SLC4A10: variants seen among roughly 807,000 people sequenced by gnomAD.
The protein encoded by SLC4A10 is sodium-driven chloride bicarbonate exchanger.
A neutral mutation model predicts 137.7 loss-of-function variants in SLC4A10; 42 were observed. That is an observed-to-expected ratio of 0.30 (90% confidence interval 0.24 to 0.39). SLC4A10 has a LOEUF of 0.39. SLC4A10 is among the 10% of genes least tolerant of loss of function. The pLI, the probability that SLC4A10 is intolerant of heterozygous loss-of-function variation, is 1.00. For synonymous variants in SLC4A10, 474 were observed against 464.1 expected, an observed-to-expected ratio of 1.02 and a Z score of -0.27; for missense variants, 925 against 1,355.0, an observed-to-expected ratio of 0.68 and a Z score of 4.98.
chr2:161,749,623 G>T (rs1039841447), intron 1 of SLC4A10, among the ~76,000 whole-genome samples: 1 of 151,782 alleles, frequency 6.6e-6, no homozygotes, highest in African/African-American at 2.4e-5. Flanking sequence ...GTTGGTCATG[G>T]TGTATAATCT....
At chr2:161,956,791 A>T (rs1044297860) in intron 19 of SLC4A10, among the ~76,000 whole-genome samples, 198 bp from the exon 20 acceptor site, 2 of 152,134 alleles carry the variant, frequency 1.3e-5, no homozygotes, top group African/African-American at 4.8e-5. Flanking sequence ...CCATGATATT[A>T]TTTTTTCTAA....
rs911712300 is a variant in SLC4A10 at position 161,894,713 on chromosome 2, G to A, written c.1229G>A (p.Arg410His). The A allele has an allele frequency of 1.2e-5, 17 of 1,437,184 alleles. No homozygotes were observed. Among genetic ancestry groups the A allele is most frequent in the Admixed American group, 2.1e-5 (1 of 47,402 alleles). The allele number at this position is 1,437,184 out of a possible 1,614,324, so 89.0% of individuals were successfully genotyped here. A position where few individuals can be genotyped will look rare whatever the true frequency, so the allele number is the denominator to read the frequency against. Residue 410 changes from arginine (R) to histidine (H), a missense_variant, in exon 11 of 27, where the codon CGT becomes CAT. This residue lies in a region of SLC4A10 where 277 missense variants were observed against 306.1 expected (regional missense o/e 0.90). Coordinates refer to ENST00000446997, the MANE Select transcript of SLC4A10 (RefSeq NM_001178015.2). ...FHDVAYKAKD[R>H]NDLVSGIDEF... ...GATGTTGCCTATAAAGCTAAAGATC[G>A]TAATGACTTGGTATCAGGAATTGAT...
chr2:161,919,378 C>G (rs916996989), intron 15 of SLC4A10, among the ~76,000 whole-genome samples: 9 of 152,214 alleles, frequency 5.9e-5, no homozygotes, highest in African/African-American at 1.9e-4. Context: ...GCCAGGCTGC[C>G]AGTTCTGCAG....
rs548766783 is a variant in SLC4A10, at chr2:161,725,156, G to A, written c.49-45817G>A. 7.9e-5 allele frequency among the ~76,000 whole-genome samples: 12 copies of A among 152,220 alleles called. No homozygotes were observed. In the South Asian group the frequency reaches 2.5e-3, roughly 32 times the overall value. ...ATATTGGCTGAGGTATGTAAGTATG[G>A]CTGGGCCAGACTCTGAGGTGCTTTA... On this transcript the variant is annotated intron_variant, in intron 1 of 26. Coordinates refer to ENST00000446997, the MANE Select transcript of SLC4A10 (RefSeq NM_001178015.2).
At chr2:161,922,793 A>G (rs1189782302) in intron 15 of SLC4A10, among the ~76,000 whole-genome samples, 1 of 152,228 alleles carries the variant, frequency 6.6e-6, no homozygotes, top group Non-Finnish European at 1.5e-5. Flanking sequence ...AAGAATAATC[A>G]TAAAAACACA....
rs185917553 is a variant in SLC4A10, at chr2:161,805,832, T to C, written c.277+1237T>C. On this transcript the variant is annotated intron_variant, in intron 3 of 26. Coordinates refer to ENST00000446997, the MANE Select transcript of SLC4A10 (RefSeq NM_001178015.2). ...TTCAAGCTGTCAGTGGATCTTCCAT[T>C]CTGCAGTCAGGAGGACAGTGGCCCT... Among the ~76,000 whole-genome samples the C allele has an allele frequency of 1.9e-3, 286 of 152,302 alleles. 1 individual carries two copies. The highest frequency in any genetic ancestry group is 3.0e-3 in the Non-Finnish European group (203 of 68,018).
intron 21 of SLC4A10, among the ~76,000 whole-genome samples, chr2:161,963,544 AC>A (rs1045674491): frequency 6.6e-6 from 1 of 152,136 alleles, no homozygotes; most frequent in African/African-American, 2.4e-5. Context: ...CAGCATCTAA[AC>A]TTTTGTTGGG....
At chr2:161,819,040 G>A (rs1311500120) in intron 3 of SLC4A10, among the ~76,000 whole-genome samples, 2 of 151,920 alleles carry the variant, frequency 1.3e-5, no homozygotes, top group Admixed American at 1.3e-4. Context: ...TGGAATTTGG[G>A]CACTCTTAAA....
At chr2:161,676,597 GT>G (rs776523701) in intron 1 of SLC4A10, among the ~76,000 whole-genome samples, 54 of 152,252 alleles carry the variant, frequency 3.5e-4, no homozygotes, top group Non-Finnish European at 6.5e-4. Context: ...AGGCATTTAA[GT>G]TTTAAGTACT....
At chr2:161,914,682 T>G (rs569903248) in intron 15 of SLC4A10, among the ~76,000 whole-genome samples, 2 of 152,214 alleles carry the variant, frequency 1.3e-5, no homozygotes, top group South Asian at 2.1e-4. Flanking sequence ...AAGCAGATTT[T>G]GGGGAGCTAG....
chr2:161,782,387 G>C (rs986633381), intron 2 of SLC4A10, among the ~76,000 whole-genome samples: 4 of 151,838 alleles, frequency 2.6e-5, no homozygotes, highest in Non-Finnish European at 4.4e-5. Context: ...TCCATATAAG[G>C]CCAGCTCTTT....
chr2:161,887,365 G>A (rs1395456667), intron 10 of SLC4A10, among the ~76,000 whole-genome samples: 1 of 151,526 alleles, frequency 6.6e-6, no homozygotes. Flanking sequence ...GGTATTTCTG[G>A]TTCTAGATCC....
At chr2:161,901,226 C>T in intron 12 of SLC4A10, 1 of 429,490 alleles carries the variant, frequency 2.3e-6, no homozygotes, top group East Asian at 4.1e-5. Context: ...TTATACTTTA[C>T]CTAGTCTTTC....
At chr2:161,678,651 T>G (rs2040519748) in intron 1 of SLC4A10, among the ~76,000 whole-genome samples, 1 of 152,130 alleles carries the variant, frequency 6.6e-6, no homozygotes, top group Admixed American at 6.6e-5. Flanking sequence ...AGATAACCAT[T>G]ATTCCAATGT....
intron 2 of SLC4A10, among the ~76,000 whole-genome samples, chr2:161,804,060 A>G (rs901749221): frequency 6.6e-6 from 1 of 152,140 alleles, no homozygotes; most frequent in South Asian, 2.1e-4. Flanking sequence ...AGAGACAGTG[A>G]TTTTTTAAAA....
intron 1 of SLC4A10, among the ~76,000 whole-genome samples, chr2:161,643,199 T>C (rs1191607120): frequency 6.6e-6 from 1 of 152,076 alleles, no homozygotes; most frequent in Non-Finnish European, 1.5e-5. Context: ...GAAGCTTACA[T>C]TTCCACTGAA....
At chr2:161,675,387 C>T (rs912260207) in intron 1 of SLC4A10, among the ~76,000 whole-genome samples, 3 of 152,186 alleles carry the variant, frequency 2.0e-5, no homozygotes, top group Admixed American at 6.6e-5. Flanking sequence ...AGCACAGAAA[C>T]AGCAACCCAA....
chr2:161,767,032 T>C (rs559309998), intron 1 of SLC4A10, among the ~76,000 whole-genome samples: 190 of 143,676 alleles, frequency 1.3e-3, no homozygotes, highest in African/African-American at 4.7e-3. Context: ...TACCTGAAAG[T>C]ACTGATTTGT....
At chr2:161,890,482 G>T (rs772895050) in intron 10 of SLC4A10, among the ~76,000 whole-genome samples, 4 of 152,092 alleles carry the variant, frequency 2.6e-5, no homozygotes, top group Non-Finnish European at 4.4e-5. Flanking sequence ...CCTGTATTGG[G>T]TGCATATATA....
Sources: gnomAD v4.1 joint callset for allele counts (sites outside exome capture counted in the v4.1 genomes callset) on GRCh38, gnomAD v4.1.1 for gene constraint, gnomAD v4.1.1 regional missense constraint, MANE v1.5 for transcripts, NCBI Gene and HGNC (gene_info 2026-07-23, HGNC 2026-07-21) for gene names.